The following CCSER1 variants were observed in gnomAD, a reference collection of about 807,000 sequenced individuals.
The protein encoded by CCSER1 is serine-rich coiled-coil domain-containing protein 1.
Under a neutral mutation model 82.0 loss-of-function variants are expected in CCSER1, and 41 were observed. The observed-to-expected ratio is 0.50, with a 90% CI of 0.39 to 0.65. The LOEUF is 0.65. Ranked by LOEUF, CCSER1 falls within the 30% of genes least tolerant of loss-of-function variation. The probability of loss-of-function intolerance (pLI) is 0.00; values close to 1 mark genes in which losing one functional copy is unlikely to be tolerated. For synonymous variants in CCSER1, 414 were observed against 383.9 expected (o/e 1.08, Z -0.92); for missense variants, 1,119 against 1,064.2 (o/e 1.05, Z -0.72).
intron 9 of CCSER1, among the ~76,000 whole-genome samples, chr4:90,948,574 TA>T (rs1466780414): frequency 2.6e-5 from 4 of 151,978 alleles, no homozygotes; most frequent in Admixed American, 2.6e-4. Flanking sequence ...ATTTTTAAAT[TA>T]ATACACAGAT....
At chr4:91,393,781 G>A (rs1751803134) in intron 10 of CCSER1, among the ~76,000 whole-genome samples, 2 of 152,012 alleles carry the variant, frequency 1.3e-5, no homozygotes, top group Admixed American at 6.6e-5. Context: ...AATTTTTTAA[G>A]AGCCCTAAAG....
chr4:91,127,262 C>A (rs1727599394), intron 10 of CCSER1, among the ~76,000 whole-genome samples: 1 of 151,902 alleles, frequency 6.6e-6, no homozygotes, highest in Admixed American at 6.6e-5. Context: ...TAAAATAAGT[C>A]CAGGAAATAT....
intron 8 of CCSER1, among the ~76,000 whole-genome samples, chr4:90,839,294 A>G (rs1762261789): frequency 1.3e-5 from 2 of 152,348 alleles, no homozygotes; most frequent in South Asian, 4.1e-4. Flanking sequence ...ACACTTAGAT[A>G]AGTTTATCAA....
At chr4:91,101,633 C>CA (rs33926247) in intron 10 of CCSER1, among the ~76,000 whole-genome samples, 98,857 of 146,552 alleles carry the variant, frequency 0.67, 33,488 homozygotes, top group Non-Finnish European at 0.71. Flanking sequence ...GACTCCGTCT[C>CA]AAAAAAAAAA....
intron 10 of CCSER1, among the ~76,000 whole-genome samples, chr4:91,380,786 A>G (rs1750824352): frequency 6.6e-6 from 1 of 152,176 alleles, no homozygotes; most frequent in African/African-American, 2.4e-5. Flanking sequence ...TGATCCTGTC[A>G]TTATGATATT....
chr4:90,393,050 CTGTA>C (rs1465633924), intron 3 of CCSER1, among the ~76,000 whole-genome samples: 1 of 152,182 alleles, frequency 6.6e-6, no homozygotes, highest in African/African-American at 2.4e-5. Flanking sequence ...TTTTACCAAA[CTGTA>C]TGTACCCAGT....
chr4:91,084,008 G>T (rs1723097084), intron 9 of CCSER1, among the ~76,000 whole-genome samples: 1 of 152,090 alleles, frequency 6.6e-6, no homozygotes. Flanking sequence ...TCGACTCACT[G>T]TAACCTCTGC....
At chr4:90,646,710 T>A (rs1370728687) in intron 6 of CCSER1, among the ~76,000 whole-genome samples, 1 of 152,190 alleles carries the variant, frequency 6.6e-6, no homozygotes, top group East Asian at 1.9e-4. Context: ...CTTTCCTGTG[T>A]GTGAATTTAA....
At chr4:90,438,884 CA>C (rs1292249255) in intron 4 of CCSER1, among the ~76,000 whole-genome samples, 5 of 152,052 alleles carry the variant, frequency 3.3e-5, no homozygotes, top group African/African-American at 1.2e-4. Context: ...TGGCACAGTG[CA>C]GATAGTGAAA....
At chr4:90,223,886 A>T (rs2153422687) in intron 1 of CCSER1, among the ~76,000 whole-genome samples, 1 of 152,358 alleles carries the variant, frequency 6.6e-6, no homozygotes, top group South Asian at 2.1e-4. Flanking sequence ...AAATTAATTA[A>T]TATTCTTCAC....
chr4:90,304,699 G>A (rs1223801911), intron 1 of CCSER1, among the ~76,000 whole-genome samples: 1 of 152,046 alleles, frequency 6.6e-6, no homozygotes, highest in African/African-American at 2.4e-5. Flanking sequence ...CCTAATGCTA[G>A]ATGACAAGTT....
At chr4:90,275,210 T>A (rs1360804016) in intron 1 of CCSER1, among the ~76,000 whole-genome samples, 1 of 152,180 alleles carries the variant, frequency 6.6e-6, no homozygotes, top group East Asian at 1.9e-4. Context: ...CTACTACTTG[T>A]ATTCTGTAAA....
intron 10 of CCSER1, among the ~76,000 whole-genome samples, chr4:91,458,095 T>C (rs564077393): frequency 6.6e-6 from 1 of 152,274 alleles, no homozygotes; most frequent in East Asian, 1.9e-4. Flanking sequence ...TGTCCTGAAG[T>C]AGTTCTCCAA....
intron 10 of CCSER1, among the ~76,000 whole-genome samples, chr4:91,162,401 T>G (rs1489950718): frequency 6.6e-6 from 1 of 152,178 alleles, no homozygotes; most frequent in Non-Finnish European, 1.5e-5. Flanking sequence ...CTTTTTTGGT[T>G]GTGGCTCTGT....
At chr4:91,235,996 A>G (rs1182634164) in intron 10 of CCSER1, among the ~76,000 whole-genome samples, 1 of 150,534 alleles carries the variant, frequency 6.6e-6, no homozygotes, top group Non-Finnish European at 1.5e-5. Context: ...GCATTATTAA[A>G]CCAAGGATCA....
chr4:90,534,429 T>C (rs1259258089), intron 5 of CCSER1, among the ~76,000 whole-genome samples: 1 of 149,778 alleles, frequency 6.7e-6, no homozygotes, highest in Non-Finnish European at 1.5e-5. Context: ...GAGCCCAGGC[T>C]GTGCCAGCCT....
chr4:90,694,314 G>C lies in CCSER1; in HGVS notation c.1933-29600G>C, dbSNP rs11936755. On this transcript the variant is annotated intron_variant, in intron 6 of 10. Coordinates refer to ENST00000509176, the MANE Select transcript of CCSER1 (RefSeq NM_001145065.2). ...AGTGTGCCAGAGTTGGAGCCTTCAA[G>C]TTTTAGTGATTAATTGAAAAGCACA... Among the ~76,000 whole-genome samples the C allele has an allele frequency of 4.7e-3, 709 of 152,072 alleles. 6 individuals are homozygous for C. The highest frequency in any genetic ancestry group is 0.017 in the African/African-American group (690 of 41,532).
intron 1 of CCSER1, among the ~76,000 whole-genome samples, chr4:90,175,174 A>G (rs1293273424): frequency 1.3e-5 from 2 of 152,034 alleles, no homozygotes; most frequent in Admixed American, 1.3e-4. Context: ...ACTAAATGAT[A>G]TAAGGAAATG....
At chr4:91,596,377 G>A (rs73836296) in intron 10 of CCSER1, among the ~76,000 whole-genome samples, 15,127 of 152,006 alleles carry the variant, frequency 0.1, 768 homozygotes, top group Middle Eastern at 0.16. Flanking sequence ...AACCACTGGT[G>A]TTATCATTAT....
Sources: gnomAD v4.1 joint callset for allele counts (sites outside exome capture counted in the v4.1 genomes callset) on GRCh38, gnomAD v4.1.1 for gene constraint, MANE v1.5 for transcripts, NCBI Gene and HGNC (gene_info 2026-07-23, HGNC 2026-07-21) for gene names.